The following RASSF8 variants were observed in gnomAD, a reference collection of about 807,000 sequenced individuals.
The protein encoded by RASSF8 is Ras association domain family member 8.
A neutral mutation model predicts 48.5 loss-of-function variants in RASSF8; 22 were observed. The ratio of observed to expected loss-of-function variants is 0.45; its 90% CI spans 0.32 to 0.65. The LOEUF (loss-of-function observed/expected upper bound fraction) is 0.65. Among genes scored for constraint, RASSF8 ranks in the 30% least tolerant of loss-of-function variants. RASSF8 has a pLI of 0.03. For missense variants in RASSF8, 418 were observed against 489.2 expected, an observed-to-expected ratio of 0.85 and a Z score of 1.37; for synonymous variants, 127 against 171.5, an observed-to-expected ratio of 0.74 and a Z score of 2.03.
At chr12:26,074,048 T>C (rs1944048503), downstream of RASSF8, among the ~76,000 whole-genome samples, 1 of 152,054 alleles carries the variant, frequency 6.6e-6, no homozygotes, top group Non-Finnish European at 1.5e-5. Context: ...ATGAGAAACT[T>C]AAAGTCATTC....
At chr12:26,034,148 G>T (rs1156336713) in intron 2 of RASSF8, among the ~76,000 whole-genome samples, 1 of 152,086 alleles carries the variant, frequency 6.6e-6, no homozygotes, top group Non-Finnish European at 1.5e-5. Context: ...TGAAGAACGG[G>T]CTGGAGTGAG....
chr12:26,075,666 A>G (rs1012219540), downstream of RASSF8, among the ~76,000 whole-genome samples: 1 of 152,262 alleles, frequency 6.6e-6, no homozygotes, highest in African/African-American at 2.4e-5. Context: ...ACACAAAGTC[A>G]ATATTTACAA....
intron 2 of RASSF8, among the ~76,000 whole-genome samples, chr12:26,004,202 G>T (rs1942330129): frequency 6.6e-6 from 1 of 152,118 alleles, no homozygotes; most frequent in African/African-American, 2.4e-5. Flanking sequence ...AACTTCTTGA[G>T]ACTGGACTAT....
chr12:25,961,596 C>T lies in RASSF8; in HGVS notation c.-203+2448C>T, dbSNP rs147469264. 2.0e-5 allele frequency among the ~76,000 whole-genome samples: 3 copies of T among 152,190 alleles called. No homozygotes were observed. In the East Asian group the frequency reaches 5.8e-4, roughly 29 times the overall value. On this transcript the variant is annotated intron_variant, in intron 1 of 5. Transcript: ENST00000689635. ...TTGTCACTCCCGAGGTGAGTGAGCT[C>T]GGCCATGCCACTTCAGCCTCTGTGA...
chr12:26,002,389 C>T (rs1345220809), intron 2 of RASSF8, among the ~76,000 whole-genome samples: 7 of 151,832 alleles, frequency 4.6e-5, no homozygotes, highest in East Asian at 3.9e-4. Context: ...GCCGAGATTG[C>T]GTCACTGCAC....
At chr12:25,965,486 C>T (rs560383929) in intron 1 of RASSF8, among the ~76,000 whole-genome samples, 29 of 151,782 alleles carry the variant, frequency 1.9e-4, no homozygotes, top group African/African-American at 4.8e-4. Context: ...CTCAGCTTCC[C>T]GAGTAGCTGG....
chr12:26,002,859 T>A (rs1942294640), intron 2 of RASSF8, among the ~76,000 whole-genome samples: 1 of 152,244 alleles, frequency 6.6e-6, no homozygotes, highest in South Asian at 2.1e-4. Context: ...TTGGAGGAAA[T>A]GCTTTCAATT....
chr12:26,025,186 G>A (rs989607420), intron 2 of RASSF8, among the ~76,000 whole-genome samples: 2 of 152,138 alleles, frequency 1.3e-5, no homozygotes, highest in African/African-American at 4.8e-5. Context: ...TCAGAAAGAA[G>A]GATTTCCACC....
intron 1 of RASSF8, among the ~76,000 whole-genome samples, chr12:25,981,470 CAAAG>C (rs1941742718): frequency 6.6e-6 from 1 of 152,134 alleles, no homozygotes; most frequent in African/African-American, 2.4e-5. Context: ...TCCTCGTAGA[CAAAG>C]AACGAATCTC....
chr12:26,022,403 T>G (rs994239235), intron 2 of RASSF8, among the ~76,000 whole-genome samples: 2 of 152,130 alleles, frequency 1.3e-5, no homozygotes, highest in South Asian at 2.1e-4. Context: ...CTCAGTAAAT[T>G]CAGTTGATTA....
chr12:26,041,669 A>G (rs1414581561), intron 2 of RASSF8, among the ~76,000 whole-genome samples: 1 of 151,012 alleles, frequency 6.6e-6, no homozygotes, highest in Admixed American at 6.6e-5. Context: ...ATCTACATAC[A>G]TAAACATATA....
chr12:26,050,784 G>T (rs192593145), intron 2 of RASSF8, among the ~76,000 whole-genome samples: 1 of 152,280 alleles, frequency 6.6e-6, no homozygotes, highest in Admixed American at 6.5e-5. Context: ...TGCTGAAAAA[G>T]GAACCTGAGC....
intron 2 of RASSF8, among the ~76,000 whole-genome samples, chr12:26,002,572 G>A (rs1043472562): frequency 4.6e-5 from 7 of 152,172 alleles, no homozygotes; most frequent in Non-Finnish European, 8.8e-5. Flanking sequence ...TCAGGAGTTT[G>A]AGACCAGCCT....
intron 2 of RASSF8, among the ~76,000 whole-genome samples, chr12:26,017,159 T>C (rs1329021574): frequency 2.0e-5 from 3 of 152,200 alleles, no homozygotes; most frequent in Non-Finnish European, 2.9e-5. Flanking sequence ...TTTGTCTTTA[T>C]ATCAATATTG....
At position 26,001,389 on chromosome 12, in the gene RASSF8, T is replaced by A. The variant is rs139403998; in HGVS notation, c.-109+6259T>A. On this transcript the variant is annotated intron_variant, in intron 2 of 5. Transcript: ENST00000689635. ...TATTAACAATTTTTATTCTTCAATA[T>A]GAAATTAACCTTAGCTTACTATATA... Among the ~76,000 whole-genome samples, 1,319 of 152,184 alleles carry A rather than the reference T, an allele frequency of 8.7e-3. 22 individuals are homozygous for A. The highest frequency in any genetic ancestry group is 0.031 in the African/African-American group (1,269 of 41,526).
chr12:26,042,200 A>G (rs185133197), intron 2 of RASSF8, among the ~76,000 whole-genome samples: 13 of 152,316 alleles, frequency 8.5e-5, no homozygotes, highest in Admixed American at 3.9e-4. Flanking sequence ...GGGTTAGAAA[A>G]AGAGCACCTG....
At chr12:26,076,608 A>G (rs1318446436), downstream of RASSF8, among the ~76,000 whole-genome samples, 4 of 151,228 alleles carry the variant, frequency 2.6e-5, no homozygotes, top group Non-Finnish European at 3.0e-5. Flanking sequence ...TCCTTTTTTT[A>G]TGGCTGCATA....
rs1415693862 is a variant in RASSF8 at position 25,994,023 on chromosome 12, G to GGCCCAGCT, written c.-202-1012_-202-1011insCCAGCTGC. 8.5e-5 allele frequency among the ~76,000 whole-genome samples: 13 copies of GGCCCAGCT among 152,160 alleles called. No homozygotes were observed. The East Asian group carries it at 2.5e-3, about 29-fold the overall frequency. On this transcript the variant is annotated intron_variant, in intron 1 of 5. Transcript: ENST00000689635. ...CTTTGGAGACAAAGTCTTCATTCAG[G>GGCCCAGCT]GCTATAGCAGCTGTGCAGGGAGAGC...
intron 1 of RASSF8, among the ~76,000 whole-genome samples, chr12:25,966,967 A>G (rs533054911): frequency 6.6e-6 from 1 of 152,324 alleles, no homozygotes; most frequent in South Asian, 2.1e-4. Context: ...TATGGATGGA[A>G]GTTAATTTTC....
Sources: gnomAD v4.1 joint callset for allele counts (sites outside exome capture counted in the v4.1 genomes callset) on GRCh38, gnomAD v4.1.1 for gene constraint, MANE v1.5 for transcripts, NCBI Gene and HGNC (gene_info 2026-07-23, HGNC 2026-07-21) for gene names.